The following RALGAPA2 variants were observed in gnomAD, a reference collection of about 807,000 sequenced individuals.
The protein encoded by RALGAPA2 is ral GTPase-activating protein subunit alpha-2.
RALGAPA2 carries 139 observed loss-of-function variants against 230.4 expected under a neutral mutation model. The observed-to-expected ratio is 0.60, with a 90% CI of 0.53 to 0.69. The LOEUF (loss-of-function observed/expected upper bound fraction) is 0.69, where lower values mean the gene tolerates loss of function less well. Among genes scored for constraint, RALGAPA2 ranks in the 30% least tolerant of loss-of-function variants. RALGAPA2 has a pLI of 0.00. For missense variants in RALGAPA2, 2,163 were observed against 2,276.0 expected, an observed-to-expected ratio of 0.95 and a Z score of 1.01; for synonymous variants, 847 against 837.8, an observed-to-expected ratio of 1.01 and a Z score of -0.19.
chr20:20,537,619 C>CAA (rs373034061), intron 24 of RALGAPA2, among the ~76,000 whole-genome samples: 62 of 40,904 alleles, frequency 1.5e-3, no homozygotes, highest in East Asian at 8.2e-3. Context: ...GACTCCATCT[C>CAA]AAAAAAAAAA....
At chr20:20,518,363 C>T (rs1489944539) in intron 31 of RALGAPA2, among the ~76,000 whole-genome samples, 4 of 152,074 alleles carry the variant, frequency 2.6e-5, no homozygotes, top group African/African-American at 9.7e-5. Flanking sequence ...CCACCCTGAC[C>T]AGAGATAGTT....
intron 3 of RALGAPA2, among the ~76,000 whole-genome samples, chr20:20,665,801 G>T (rs541776556): frequency 3.5e-3 from 530 of 152,194 alleles, no homozygotes; most frequent in Non-Finnish European, 5.0e-3. Flanking sequence ...AGAGATAAAG[G>T]ATCTCAGTCC....
At chr20:20,582,938 G>T (rs1023688057) in intron 20 of RALGAPA2, 112 bp downstream of exon 20, 31 of 1,155,502 alleles carry the variant, frequency 2.7e-5, no homozygotes, top group Admixed American at 4.8e-5. Context: ...CAGGAGCATG[G>T]CACACTTCCT....
At chr20:20,662,576 G>A (rs2067818442) in intron 3 of RALGAPA2, among the ~76,000 whole-genome samples, 1 of 152,176 alleles carries the variant, frequency 6.6e-6, no homozygotes, top group Admixed American at 6.5e-5. Flanking sequence ...ACCAAGTATT[G>A]TTAATCACTA....
At chr20:20,577,638 A>C (rs2064860027) in intron 20 of RALGAPA2, among the ~76,000 whole-genome samples, 1 of 152,200 alleles carries the variant, frequency 6.6e-6, no homozygotes, top group Non-Finnish European at 1.5e-5. Flanking sequence ...TCTGTAAAGT[A>C]AGTACAATAT....
At chr20:20,463,184 A>G (rs1450868288) in intron 37 of RALGAPA2, among the ~76,000 whole-genome samples, 2 of 149,872 alleles carry the variant, frequency 1.3e-5, no homozygotes, top group Admixed American at 1.3e-4. Flanking sequence ...ATAATGTAGG[A>G]TTCAGTTTTT....
At position 20,534,004 on chromosome 20, in the gene RALGAPA2, G is replaced by A. The variant is rs1326952772; in HGVS notation, c.3473+1741C>T. ...CAAATAAAAGCAAATATAAAATAGA[G>A]AAGTTGAACAAAGACAAAAGCCTAG... On this transcript the variant is annotated intron_variant, in intron 26 of 39. Transcript: ENST00000202677. Among the ~76,000 whole-genome samples the A allele has an allele frequency of 2.6e-5, 4 of 152,048 alleles. No individual in the cohort carries two copies. The East Asian group carries it at 5.8e-4, about 22-fold the overall frequency.
At chr20:20,618,144 G>A (rs2066207226) in intron 12 of RALGAPA2, among the ~76,000 whole-genome samples, 1 of 152,164 alleles carries the variant, frequency 6.6e-6, no homozygotes, top group African/African-American at 2.4e-5. Flanking sequence ...GATGACATTA[G>A]TGAGGACCTA....
chr20:20,455,379 A>G (rs568700027), intron 37 of RALGAPA2, among the ~76,000 whole-genome samples: 6 of 152,366 alleles, frequency 3.9e-5, no homozygotes, highest in Admixed American at 6.5e-5. Context: ...ATGAGTTACT[A>G]TAACGTGCAC....
At chr20:20,459,385 T>C (rs552362865) in intron 37 of RALGAPA2, among the ~76,000 whole-genome samples, 2 of 152,016 alleles carry the variant, frequency 1.3e-5, no homozygotes, top group South Asian at 4.2e-4. Flanking sequence ...AATAAATCAG[T>C]ATATGCACTA....
Position 20,520,954 on chromosome 20 carries a change from T to C in RALGAPA2, c.4047A>G (p.Ser1349=). ...VKSSEPVQYH[S]SAELGNLLTV... is the part of the protein sequence containing the mutation. The stretch of plus-strand genomic sequence containing the variant: ...TCAGCAGGTTACCCAATTCTGCTGA[T>C]GAATGATACTGGACTGGCTCAGAGC... The change falls in exon 31 of 40, where the codon TCA becomes TCG. Residue 1349 remains serine (S), a synonymous_variant. Transcript: ENST00000202677. 1 of 1,613,276 alleles carries C rather than the reference T, an allele frequency of 6.2e-7. No homozygotes were observed. The highest frequency in any genetic ancestry group is 8.5e-7 in the Non-Finnish European group (1 of 1,179,340).
At chr20:20,507,131 T>C (rs1235075713) in intron 33 of RALGAPA2, among the ~76,000 whole-genome samples, 2 of 152,210 alleles carry the variant, frequency 1.3e-5, no homozygotes, top group African/African-American at 4.8e-5. Context: ...TGGTAAAATA[T>C]ACATATCATA....
At chr20:20,703,808 G>A (rs762045040) in intron 1 of RALGAPA2, among the ~76,000 whole-genome samples, 15 of 152,158 alleles carry the variant, frequency 9.9e-5, no homozygotes, top group East Asian at 1.9e-4. Flanking sequence ...ACGACATGGC[G>A]GGTTCCTATG....
chr20:20,552,692 A>G (rs2063962698), intron 23 of RALGAPA2, among the ~76,000 whole-genome samples: 1 of 152,224 alleles, frequency 6.6e-6, no homozygotes, highest in Admixed American at 6.5e-5. Flanking sequence ...ATCCTGCAGT[A>G]CTTGTGGACA....
chr20:20,642,986 T>C (rs1568693018), intron 5 of RALGAPA2, among the ~76,000 whole-genome samples: 2 of 152,220 alleles, frequency 1.3e-5, no homozygotes, highest in South Asian at 2.1e-4. Flanking sequence ...AAAAGACATA[T>C]CCATTTCAAA....
chr20:20,395,984 G>A (rs1306389023), intron 39 of RALGAPA2, among the ~76,000 whole-genome samples: 1 of 152,206 alleles, frequency 6.6e-6, no homozygotes, highest in Non-Finnish European at 1.5e-5. Flanking sequence ...TGTGAGCCTG[G>A]GAGGTGGTGC....
rs781014188 is a variant in RALGAPA2, at chr20:20,629,460, C to T, written c.1136G>A (p.Ser379Asn). ...DRRLSNSSLC[S>N]IEEEHRMVYE... Reference sequence around the variant, plus strand: ...CACCATTCGGTGCTCTTCTTCAATGCTACAGAGGCTGGAGTTGCTGAGTCT... The same window carrying T: ...CACCATTCGGTGCTCTTCTTCAATGTTACAGAGGCTGGAGTTGCTGAGTCT... Residue 379 changes from serine to asparagine, a missense_variant, in exon 10 of 40, where the codon AGC becomes AAC. Ser to Asn is a conservative substitution (Grantham distance 46, BLOSUM62 1). Transcript: ENST00000202677. The T allele has an allele frequency of 1.2e-6, 2 of 1,613,934 alleles. No homozygotes were observed. Among genetic ancestry groups the T allele is most frequent in the Admixed American group, 1.7e-5 (1 of 60,020 alleles).
intron 38 of RALGAPA2, among the ~76,000 whole-genome samples, chr20:20,401,536 ACC>A (rs2059837997): frequency 6.6e-6 from 1 of 152,114 alleles, no homozygotes; most frequent in Non-Finnish European, 1.5e-5. Context: ...CTCAGGAGTG[ACC>A]GGGGCAGTGA....
At chr20:20,551,012 C>T (rs1642216107) in intron 23 of RALGAPA2, among the ~76,000 whole-genome samples, 2 of 152,154 alleles carry the variant, frequency 1.3e-5, no homozygotes, top group South Asian at 4.1e-4. Flanking sequence ...CACATTACCC[C>T]AGAAATTCAA....
Sources: gnomAD v4.1 joint callset for allele counts (sites outside exome capture counted in the v4.1 genomes callset) on GRCh38, gnomAD v4.1.1 for gene constraint, MANE v1.5 for transcripts, NCBI Gene and HGNC (gene_info 2026-07-23, HGNC 2026-07-21) for gene names.